Variants in CDCP1 observed in about 807,000 individuals in gnomAD.
The protein encoded by CDCP1 is CUB domain-containing protein 1.
Under a neutral mutation model 60.2 loss-of-function variants are expected in CDCP1, and 29 were observed. The ratio of observed to expected loss-of-function variants is 0.48; its 90% CI spans 0.36 to 0.66. CDCP1 has a LOEUF of 0.66. Ranked by LOEUF, CDCP1 falls within the 30% of genes least tolerant of loss-of-function variation. CDCP1 has a pLI of 0.00. For missense variants in CDCP1, 876 were observed against 1,074.3 expected, an observed-to-expected ratio of 0.82 and a Z score of 2.58; for synonymous variants, 387 against 431.1, an observed-to-expected ratio of 0.90 and a Z score of 1.27.
chr3:45,090,415 G>C (rs538387979), intron 7 of CDCP1, among the ~76,000 whole-genome samples: 2 of 152,256 alleles, frequency 1.3e-5, no homozygotes, highest in East Asian at 3.9e-4. Flanking sequence ...TCCCACTGAG[G>C]GTATTTCATG....
At chr3:45,087,015 G>A (rs1398890080) in intron 8 of CDCP1, among the ~76,000 whole-genome samples, 2 of 152,194 alleles carry the variant, frequency 1.3e-5, no homozygotes, top group Non-Finnish European at 2.9e-5. Context: ...CTGAGCCCCT[G>A]GCCAGGAGGA....
chr3:45,118,632 G>T lies in CDCP1; in HGVS notation c.83-11C>A, dbSNP rs1178917377. On this transcript the variant is annotated splice_polypyrimidine_tract_variant and intron_variant, in intron 1 of 8. Transcript: ENST00000296129. ...CAATCTCAAAAGCTTCTGAAGGAAG[G>T]AAGGAAAATGAAGTAAGCAGGATGA... The T allele has an allele frequency of 5.6e-6, 9 of 1,610,120 alleles. No homozygotes were observed. In the East Asian group the frequency reaches 1.8e-4, roughly 32 times the overall value.
intron 5 of CDCP1, 115 bp from the exon 6 acceptor site, chr3:45,093,772 GTC>G: frequency 8.2e-7 from 1 of 1,226,536 alleles, no homozygotes; most frequent in Non-Finnish European, 1.1e-6. Context: ...TTTCCCTTCG[GTC>G]TCTCTTCTCC....
intron 1 of CDCP1, among the ~76,000 whole-genome samples, chr3:45,142,283 C>A (rs1699303657): frequency 6.6e-6 from 1 of 152,196 alleles, no homozygotes. Context: ...CCACTCCCCA[C>A]CTCATCCTAT....
In CDCP1 at chr3:45,118,551, C is replaced by A; in HGVS notation, c.153G>T (p.Leu51=). The change falls in exon 2 of 9, where the codon CTG becomes CTT. Residue 51 remains leucine (L), a synonymous_variant. Transcript: ENST00000296129. ...TGACGATGTAACAGGGTTTTGCCAG[C>A]AGAGTCGGGGTCCCCAGCTTTATGA... is the stretch of plus-strand genomic sequence containing the variant. The part of the protein sequence containing the change: ...TVLIKLGTPT[L]LAKPCYIVIS... 6.2e-7 allele frequency: 1 copy of A among 1,614,130 alleles called. No homozygotes were observed. The highest frequency in any genetic ancestry group is 8.5e-7 in the Non-Finnish European group (1 of 1,180,030).
intron 3 of CDCP1, among the ~76,000 whole-genome samples, chr3:45,111,472 T>A (rs1698692534): frequency 6.6e-6 from 1 of 152,188 alleles, no homozygotes; most frequent in Non-Finnish European, 1.5e-5. Flanking sequence ...GGTCAGGAGT[T>A]CGAGACCAGC....
chr3:45,110,539 C>T lies in CDCP1; in HGVS notation c.958G>A (p.Ala320Thr), dbSNP rs1284623770. The change falls in exon 4 of 9, where the codon GCC becomes ACC. Residue 320 changes from alanine to threonine, a missense_variant. Physicochemically the swap from Ala to Thr is moderately conservative, Grantham distance 58 (BLOSUM62 0). Coordinates refer to ENST00000296129, the MANE Select transcript of CDCP1 (RefSeq NM_022842.5). ...AGCCGGAGGATCCCTGGACTTTGGG[C>T]ATCTTGGTCACAGCCTTGCAGAGAG... ...NLSLQGCDQDAQSPGILRLQF... is the reference protein window; with the variant it reads ...NLSLQGCDQDTQSPGILRLQF... 1.9e-6 allele frequency: 3 copies of T among 1,614,100 alleles called. No individual in the cohort carries two copies. The highest frequency in any genetic ancestry group is 2.7e-5 in the African/African-American group (2 of 74,930).
intron 7 of CDCP1, among the ~76,000 whole-genome samples, chr3:45,089,463 C>T (rs1173965173): frequency 6.6e-6 from 1 of 152,156 alleles, no homozygotes; most frequent in African/African-American, 2.4e-5. Context: ...TGTGAGAAAG[C>T]CCAAGCTAGC....
At chr3:45,145,576 G>A (rs932612344) in intron 1 of CDCP1, among the ~76,000 whole-genome samples, 1 of 152,144 alleles carries the variant, frequency 6.6e-6, no homozygotes, top group Non-Finnish European at 1.5e-5. Context: ...TGGCGCAGAT[G>A]CCTGGCGGCT....
intron 7 of CDCP1, 116 bp from the exon 8 acceptor site, chr3:45,089,257 G>GTA: frequency 1.4e-6 from 1 of 740,712 alleles, no homozygotes; most frequent in Non-Finnish European, 2.4e-6. Context: ...CGCCATACAT[G>GTA]TGGCTCCTTG....
chr3:45,098,997 CT>C (rs958843540), intron 4 of CDCP1, among the ~76,000 whole-genome samples: 7 of 152,134 alleles, frequency 4.6e-5, no homozygotes, highest in Non-Finnish European at 8.8e-5. Context: ...ATGCTCTAAT[CT>C]AAAGGGGCTG....
intron 1 of CDCP1, among the ~76,000 whole-genome samples, chr3:45,123,945 G>A (rs2126002619): frequency 6.6e-6 from 1 of 152,248 alleles, no homozygotes; most frequent in South Asian, 2.1e-4. Flanking sequence ...TAGGGCATTT[G>A]GAAAAGCTTA....
intron 6 of CDCP1, among the ~76,000 whole-genome samples, chr3:45,092,023 G>A (rs1448450514): frequency 6.6e-6 from 1 of 152,152 alleles, no homozygotes; most frequent in Non-Finnish European, 1.5e-5. Flanking sequence ...TTGAACTCCT[G>A]AGCTCAAGTG....
rs540276340 is a variant in CDCP1 at position 45,107,458 on chromosome 3, G to A, written c.1024+3015C>T. Among the ~76,000 whole-genome samples the A allele has an allele frequency of 8.6e-5, 13 of 151,952 alleles. No individual in the cohort carries two copies. The South Asian group carries it at 2.1e-3, about 24-fold the overall frequency. ...CCTGACCTTATAATCTTCCCACCTCGGCCTCTGAAAGTGCTGGGATTACAG... is the reference window on the plus strand; with the variant it reads ...CCTGACCTTATAATCTTCCCACCTCAGCCTCTGAAAGTGCTGGGATTACAG... On this transcript the variant is annotated intron_variant, in intron 4 of 8. Transcript: ENST00000296129.
Position 45,118,474 on chromosome 3 carries a change from A to G in CDCP1, c.230T>C (p.Val77Ala), listed in dbSNP as rs760413441. The G allele has an allele frequency of 6.8e-6, 11 of 1,614,066 alleles. No individual in the cohort carries two copies. The Admixed American group carries it at 1.2e-4, about 17-fold the overall frequency. Residue 77 changes from valine (V) to alanine (A), a missense_variant, in exon 2 of 9, where the codon GTC (valine) becomes GCC (alanine). Coordinates refer to ENST00000296129, the MANE Select transcript of CDCP1 (RefSeq NM_022842.5). The part of the protein sequence containing the change: ...MLSIKSGERI[V>A]FTFSCQSPEN... ...AGGACTCTGGCAGCTAAAGGTAAAG[A>G]CTATTCTTTCTCCAGACTTGATGGA...
chr3:45,124,153 C>G (rs1049365216), intron 1 of CDCP1, among the ~76,000 whole-genome samples: 2 of 152,188 alleles, frequency 1.3e-5, no homozygotes, highest in Non-Finnish European at 2.9e-5. Context: ...CCATATCACA[C>G]ATCCCTGTTA....
intron 1 of CDCP1, among the ~76,000 whole-genome samples, chr3:45,138,066 A>G (rs1371697677): frequency 6.6e-6 from 1 of 152,222 alleles, no homozygotes; most frequent in East Asian, 1.9e-4. Context: ...TGCAATCCCC[A>G]GGAGACCACT....
At chr3:45,098,473 T>C (rs1698438164) in intron 4 of CDCP1, among the ~76,000 whole-genome samples, 1 of 152,196 alleles carries the variant, frequency 6.6e-6, no homozygotes, top group Non-Finnish European at 1.5e-5. Flanking sequence ...ACATGCTCTG[T>C]TCCATTGCTC....
Position 45,108,888 on chromosome 3 carries a change from CATAT to C in CDCP1, c.1024+1581_1024+1584del, listed in dbSNP as rs369846391. 9.2e-5 allele frequency among the ~76,000 whole-genome samples: 3 copies of C among 32,474 alleles called. 1 individual carries two copies. Among genetic ancestry groups the C allele is most frequent in the African/African-American group, 3.3e-4 (3 of 9,202 alleles). The allele number at this position is 32,474 out of a possible 152,430, so 21.3% of individuals were successfully genotyped here. ...ATGTATATATATATATGCATGTATA[CATAT>C]ATATATATATGCATGTATACATATA... On this transcript the variant is annotated intron_variant, in intron 4 of 8. Transcript: ENST00000296129.
Sources: allele counts gnomAD v4.1 joint callset (sites outside exome capture counted in the v4.1 genomes callset), GRCh38; gene constraint gnomAD v4.1.1; transcripts MANE v1.5; gene names NCBI Gene and HGNC (gene_info 2026-07-23, HGNC 2026-07-21).